CAPN1: variants seen among roughly 807,000 people sequenced by gnomAD.
The protein encoded by CAPN1 is calpain-1 catalytic subunit.
A neutral mutation model predicts 105.2 loss-of-function variants in CAPN1; 77 were observed. The ratio of observed to expected loss-of-function variants is 0.73; its 90% CI spans 0.61 to 0.88. The LOEUF (loss-of-function observed/expected upper bound fraction) is 0.88. Ranked by LOEUF, CAPN1 falls within the 40% of genes least tolerant of loss-of-function variation. The pLI is 0.00. For missense variants in CAPN1, 833 were observed against 976.6 expected, an observed-to-expected ratio of 0.85 and a Z score of 1.96; for synonymous variants, 355 against 388.8, an observed-to-expected ratio of 0.91 and a Z score of 1.02.
chr11:65,195,100 G>GGTTTTTTT (rs1565403828), intron 10 of CAPN1, among the ~76,000 whole-genome samples: 1 of 90,908 alleles, frequency 1.1e-5, no homozygotes, highest in African/African-American at 3.3e-5. Context: ...GTTTTTTGGG[G>GGTTTTTTT]TTTTTTTTTT....
In CAPN1 at chr11:65,186,350, C is replaced by A. The variant is rs556222318; in HGVS notation, c.759+12C>A. On this transcript the variant is annotated intron_variant, in intron 6 of 21. Coordinates refer to ENST00000279247, the MANE Select transcript of CAPN1 (RefSeq NM_005186.4). ...GCTGCTCCATAGACGTGAGTGTGCC[C>A]GGCCCCGATGCTTTGGTACCCTGGA... 6.2e-7 allele frequency: 1 copy of A among 1,602,860 alleles called. No homozygotes were observed. The highest frequency in any genetic ancestry group is 1.3e-5 in the African/African-American group (1 of 74,502).
chr11:65,183,518 G>A lies in CAPN1; in HGVS notation c.382G>A (p.Asp128Asn), dbSNP rs755927260. Reference sequence around the variant, plus strand: ...GGCCATCGCCTCCCTCACTCTCAACGACACCCTCCTGCACCGAGTGGTTCC... The same window carrying A: ...GGCCATCGCCTCCCTCACTCTCAACAACACCCTCCTGCACCGAGTGGTTCC... ...LAAIASLTLN[D>N]TLLHRVVPHG... The change falls in exon 4 of 22, where the codon GAC becomes AAC. Residue 128 changes from aspartate to asparagine, a missense_variant. Physicochemically the swap from Asp to Asn is conservative, Grantham distance 23 (BLOSUM62 1). Transcript: ENST00000279247. 25 of 1,613,690 alleles carry A rather than the reference G, an allele frequency of 1.5e-5. No individual in the cohort carries two copies. The East Asian group carries it at 4.2e-4, about 27-fold the overall frequency.
At position 65,188,091 on chromosome 11, in the gene CAPN1, C is replaced by A. The variant is rs1367823914; in HGVS notation, c.929+51C>A. ...AGTGCCTTGGGGAAACTGTTAGGTG[C>A]CCCGACATTTCTGCTCGGGACTCTA... On this transcript the variant is annotated intron_variant, in intron 8 of 21. Coordinates refer to ENST00000279247, the MANE Select transcript of CAPN1 (RefSeq NM_005186.4). This position sits in a 1 kb window ranked among gnomAD's most constrained non-coding sequence, Gnocchi z 5.5. 3 of 1,287,608 alleles carry A rather than the reference C, an allele frequency of 2.3e-6. No individual in the cohort carries two copies. The highest frequency in any genetic ancestry group is 3.2e-6 in the Non-Finnish European group (3 of 925,328). 79.8% of individuals were successfully genotyped at this position (1,287,608 alleles called of 1,614,324 possible).
chr11:65,205,800 C>G, intron 12 of CAPN1, 79 bp downstream of exon 12: 1 of 1,362,260 alleles, frequency 7.3e-7, no homozygotes, highest in Non-Finnish European at 1.1e-6. Context: ...GGCAAACCCA[C>G]CCTGGCCTGG....
intron 7 of CAPN1, chr11:65,187,753 G>T: frequency 2.0e-6 from 1 of 512,110 alleles, no homozygotes; most frequent in Non-Finnish European, 3.6e-6. Context: ...TGGGTGTGGT[G>T]GCAGGTGCCT....
At chr11:65,192,218 G>T (rs1948728446) in intron 10 of CAPN1, among the ~76,000 whole-genome samples, 1 of 152,126 alleles carries the variant, frequency 6.6e-6, no homozygotes, top group Non-Finnish European at 1.5e-5. Flanking sequence ...CTGGGCAACA[G>T]AACATGACCC....
intron 10 of CAPN1, among the ~76,000 whole-genome samples, chr11:65,195,418 G>A (rs1170282531): frequency 1.3e-5 from 2 of 152,092 alleles, no homozygotes; most frequent in South Asian, 2.1e-4. Flanking sequence ...TAGCCACCGC[G>A]CCCGGCCAAT....
At chr11:65,193,290 T>C (rs1040457890) in intron 10 of CAPN1, among the ~76,000 whole-genome samples, 2 of 151,974 alleles carry the variant, frequency 1.3e-5, no homozygotes, top group East Asian at 3.9e-4. Flanking sequence ...CCTCTTAATA[T>C]ACTCTTATGT....
chr11:65,204,930 G>T (rs572183416), intron 11 of CAPN1, 72 bp downstream of exon 11: 16 of 1,360,624 alleles, frequency 1.2e-5, no homozygotes, highest in Non-Finnish European at 1.5e-5. Flanking sequence ...CCGCAGTGCA[G>T]GCGGGCTTCC....
At position 65,210,163 on chromosome 11, in the gene CAPN1, A is replaced by AG; in HGVS notation, c.1942+69dup. 1 of 1,394,738 alleles carries AG rather than the reference A, an allele frequency of 7.2e-7. No homozygotes were observed. The highest frequency in any genetic ancestry group is 1.0e-6 in the Non-Finnish European group (1 of 983,276). 86.4% of individuals were successfully genotyped at this position (1,394,738 alleles called of 1,614,324 possible). A position where few individuals can be genotyped will look rare whatever the true frequency, so the allele number is the denominator to read the frequency against. ...GGTAGCCCCACTGCTCCTATGCCCC[A>AG]GGCCCTTGTCCCTGGGGTGCTAGTG... On this transcript the variant is annotated intron_variant, in intron 19 of 21. Transcript: ENST00000279247. This position sits in a 1 kb window ranked among gnomAD's most constrained non-coding sequence, Gnocchi z 4.3.
intron 10 of CAPN1, among the ~76,000 whole-genome samples, chr11:65,202,309 T>A (rs564065700): frequency 1.3e-5 from 2 of 152,186 alleles, no homozygotes; most frequent in Admixed American, 1.3e-4. Context: ...TTCTATTTTT[T>A]AAAAATATCT....
In CAPN1 at chr11:65,194,625, G is replaced by A. The variant is rs142312670; in HGVS notation, c.1165+5879G>A. 2.0e-5 allele frequency among the ~76,000 whole-genome samples: 3 copies of A among 150,826 alleles called. 1 individual carries two copies. Among genetic ancestry groups the A allele is most frequent in the South Asian group, 4.2e-4 (2 of 4,782 alleles). ...CCTAGCAACCATGAATCTACTTTTT[G>A]TCTCTATAAATTTACCTATTCTGGA... On this transcript the variant is annotated intron_variant, in intron 10 of 21. Coordinates refer to ENST00000279247, the MANE Select transcript of CAPN1 (RefSeq NM_005186.4).
At chr11:65,183,073 G>C (rs752974994) in intron 2 of CAPN1, 55 bp from the exon 3 acceptor site, 56 of 1,610,380 alleles carry the variant, frequency 3.5e-5, no homozygotes, top group Admixed American at 6.7e-5. Context: ...GGGGTGGCCT[G>C]GTGCCAATTT....
chr11:65,200,579 G>A (rs948345154), intron 10 of CAPN1, among the ~76,000 whole-genome samples: 4 of 151,974 alleles, frequency 2.6e-5, no homozygotes, highest in East Asian at 3.9e-4. Flanking sequence ...TCCTGACCTC[G>A]TGATCCACCC....
intron 10 of CAPN1, among the ~76,000 whole-genome samples, chr11:65,197,258 A>G (rs1401112606): frequency 6.6e-6 from 1 of 152,144 alleles, no homozygotes; most frequent in Non-Finnish European, 1.5e-5. Flanking sequence ...ATCTTATAAC[A>G]TCCTAATGGC....
At chr11:65,187,464 T>C in intron 7 of CAPN1, 166 bp downstream of exon 7, 1 of 612,306 alleles carries the variant, frequency 1.6e-6, no homozygotes, top group South Asian at 1.9e-5. Context: ...GCCTATCATG[T>C]CCTGCCCTGA....
At chr11:65,194,065 G>A (rs113910124) in intron 10 of CAPN1, among the ~76,000 whole-genome samples, 21 of 144,816 alleles carry the variant, frequency 1.5e-4, no homozygotes, top group African/African-American at 5.1e-4. Context: ...GGGTTTAAGC[G>A]ATTCTCTTGC....
Position 65,209,799 on chromosome 11 carries a change from C to G in CAPN1, c.1795-50C>G, listed in dbSNP as rs186054719. ...CTCCCCTTCTGCACAGTTGCCCACTCTCCCATGACTGGTCTAAGTGATGGA... is the reference window on the plus strand; with the variant it reads ...CTCCCCTTCTGCACAGTTGCCCACTGTCCCATGACTGGTCTAAGTGATGGA... On this transcript the variant is annotated intron_variant, in intron 17 of 21. Transcript: ENST00000279247. The surrounding 1 kb of genome is among the most constrained non-coding windows in gnomAD (Gnocchi z 4.1). The G allele has an allele frequency of 1.3e-6, 2 of 1,580,118 alleles. No individual in the cohort carries two copies. The highest frequency in any genetic ancestry group is 4.5e-5 in the East Asian group (2 of 44,214).
chr11:65,209,364 C>T lies in CAPN1; in HGVS notation c.1771C>T (p.Arg591Cys), dbSNP rs750102134. ...RTKGFSLESC[R>C]SMVNLMDRDG... ...CAAGGGCTTCAGCCTAGAGTCGTGCCGCAGCATGGTGAACCTCATGGATGT... is the reference window on the plus strand; with the variant it reads ...CAAGGGCTTCAGCCTAGAGTCGTGCTGCAGCATGGTGAACCTCATGGATGT... Residue 591 changes from arginine (R) to cysteine (C), a missense_variant, in exon 17 of 22, where the codon CGC (arginine) becomes TGC (cysteine). Transcript: ENST00000279247. This position sits in a 1 kb window ranked among gnomAD's most constrained non-coding sequence, Gnocchi z 4.1. 2.9e-5 allele frequency: 47 copies of T among 1,613,610 alleles called. No homozygotes were observed. Among genetic ancestry groups the T allele is most frequent in the Non-Finnish European group, 3.4e-5 (40 of 1,179,746 alleles).
Sources: gnomAD v4.1 joint callset for allele counts (sites outside exome capture counted in the v4.1 genomes callset) on GRCh38, gnomAD v4.1.1 for gene constraint, Gnocchi (gnomAD v3.1) non-coding constraint, MANE v1.5 for transcripts, NCBI Gene and HGNC (gene_info 2026-07-23, HGNC 2026-07-21) for gene names.